CNDP2: variants seen among roughly 807,000 people sequenced by gnomAD.
CNDP2 encodes cytosolic non-specific dipeptidase.
CNDP2 carries 38 observed loss-of-function variants against 55.0 expected under a neutral mutation model. The ratio of observed to expected loss-of-function variants is 0.69; its 90% CI spans 0.53 to 0.90. The LOEUF is 0.90. Among genes scored for constraint, CNDP2 ranks in the 40% least tolerant of loss-of-function variants. The pLI, the probability that CNDP2 is intolerant of heterozygous loss-of-function variation, is 0.00. For missense variants in CNDP2, 607 were observed against 621.7 expected (o/e 0.98, Z 0.25); for synonymous variants, 241 against 260.2 (o/e 0.93, Z 0.71).
chr18:74,512,543 G>T lies in CNDP2; in HGVS notation c.742+11G>T. The stretch of plus-strand genomic sequence containing the variant: ...TCATTTTGCTGATGGGTAAGTGCGG[G>T]ATGGCATTCAGTCCGCAGTTGAGGG... On this transcript the variant is annotated intron_variant, in intron 7 of 11. Coordinates refer to ENST00000324262, the MANE Select transcript of CNDP2 (RefSeq NM_018235.3). 1.2e-6 allele frequency: 2 copies of T among 1,612,260 alleles called. No individual in the cohort carries two copies. The highest frequency in any genetic ancestry group is 1.7e-6 in the Non-Finnish European group (2 of 1,178,548).
At chr18:74,515,999 G>A (rs1008719157) in intron 8 of CNDP2, among the ~76,000 whole-genome samples, 2 of 152,232 alleles carry the variant, frequency 1.3e-5, no homozygotes, top group Non-Finnish European at 2.9e-5. Context: ...GCGACGGGCA[G>A]TGAAATGCCT....
In CNDP2 at chr18:74,519,046, T is replaced by A. The variant is rs191281589; in HGVS notation, c.1308T>A (p.Pro436=). ...EATGKNVMLL[P]VGSADDGAHS... ...CGGGCAAGAACGTCATGCTGCTGCCTGTGGGGTCAGCGGATGACGGAGCCC... is the reference window on the plus strand; with the variant it reads ...CGGGCAAGAACGTCATGCTGCTGCCAGTGGGGTCAGCGGATGACGGAGCCC... Residue 436 remains proline (P), a synonymous_variant, in exon 11 of 12, where the codon CCT becomes CCA. Coordinates refer to ENST00000324262, the MANE Select transcript of CNDP2 (RefSeq NM_018235.3). 6.2e-7 allele frequency: 1 copy of A among 1,613,870 alleles called. No homozygotes were observed. The highest frequency in any genetic ancestry group is 1.3e-5 in the African/African-American group (1 of 75,034).
intron 1 of CNDP2, among the ~76,000 whole-genome samples, chr18:74,499,081 T>C (rs1478242846): frequency 6.6e-6 from 1 of 152,216 alleles, no homozygotes; most frequent in African/African-American, 2.4e-5. Flanking sequence ...TTGTCTGGCA[T>C]GTAGACACGA....
chr18:74,518,756 G>T, intron 10 of CNDP2, 116 bp downstream of exon 10: 2 of 1,462,804 alleles, frequency 1.4e-6, no homozygotes, highest in South Asian at 1.2e-5. Flanking sequence ...TCGTGGGGGC[G>T]TGTAGTTAAG....
In CNDP2 at chr18:74,519,597, T is replaced by G. The variant is rs549724123; in HGVS notation, c.1359-402T>G. 9.2e-5 allele frequency among the ~76,000 whole-genome samples: 14 copies of G among 152,166 alleles called. No individual in the cohort carries two copies. The South Asian group carries it at 2.7e-3, about 29-fold the overall frequency. On this transcript the variant is annotated intron_variant, in intron 11 of 11. Transcript: ENST00000324262. ...GAGGAGGGCAGAAGGCAAGAATGCA[T>G]CCTGGGGTAACCAAGGCAGACGATC...
intron 2 of CNDP2, among the ~76,000 whole-genome samples, chr18:74,500,834 G>T (rs893946308): frequency 1.3e-5 from 2 of 152,208 alleles, no homozygotes; most frequent in Non-Finnish European, 2.9e-5. Flanking sequence ...TCACATGAAA[G>T]GGTCGTGATT....
chr18:74,510,287 T>C (rs1979266698), intron 5 of CNDP2, among the ~76,000 whole-genome samples: 3 of 152,210 alleles, frequency 2.0e-5, no homozygotes, highest in African/African-American at 4.8e-5. Context: ...CTTTGGCAAA[T>C]CGCCAGCTTC....
At chr18:74,512,171 C>G in intron 6 of CNDP2, 2 of 379,932 alleles carry the variant, frequency 5.3e-6, no homozygotes, top group Non-Finnish European at 9.6e-6. Flanking sequence ...CTAGCAAAGG[C>G]TTTGAGTGGT....
chr18:74,514,111 G>A (rs1599069488), intron 8 of CNDP2, among the ~76,000 whole-genome samples: 1 of 152,230 alleles, frequency 6.6e-6, no homozygotes, highest in African/African-American at 2.4e-5. Context: ...AGTGGGTCAT[G>A]ACTTTTCTCT....
In CNDP2 at chr18:74,513,760, G is replaced by T; in HGVS notation, c.903+41G>T. The T allele has an allele frequency of 1.9e-6, 3 of 1,595,692 alleles. No homozygotes were observed. The South Asian group carries it at 3.4e-5, about 18-fold the overall frequency. The stretch of plus-strand genomic sequence containing the variant: ...CGACTCTGCCACCTGCCCAGGCCAC[G>T]CTGTGACACAGGTGTCCCCCAGGCC... On this transcript the variant is annotated intron_variant, in intron 8 of 11. Transcript: ENST00000324262.
At chr18:74,500,289 G>A (rs1978619798) in intron 2 of CNDP2, among the ~76,000 whole-genome samples, 1 of 152,220 alleles carries the variant, frequency 6.6e-6, no homozygotes, top group African/African-American at 2.4e-5. Flanking sequence ...TCTTGTGATA[G>A]TTACAGATTA....
At position 74,506,040 on chromosome 18, in the gene CNDP2, G is replaced by T. The variant is rs990476291; in HGVS notation, c.367+29G>T. 9.2e-6 allele frequency: 14 copies of T among 1,526,900 alleles called. No individual in the cohort carries two copies. The Admixed American group carries it at 3.3e-4, about 36-fold the overall frequency. 94.6% of individuals were successfully genotyped at this position (1,526,900 alleles called of 1,614,324 possible). A position where few individuals can be genotyped will look rare whatever the true frequency, so the allele number is the denominator to read the frequency against. On this transcript the variant is annotated intron_variant, in intron 4 of 11. Transcript: ENST00000324262. ...AGCGCCGCGCGCCTATGCGTGCCCA[G>T]AGGAAAGGCACTGACTTTTGGAAAG...
Position 74,499,928 on chromosome 18 carries a change from C to A in CNDP2, c.-46C>A. On this transcript the variant is annotated 5_prime_UTR_variant, in exon 2 of 12. Transcript: ENST00000324262. The stretch of plus-strand genomic sequence containing the variant: ...GAGACAGGACTGACCAGTTGCTCTT[C>A]CTTCCAAGAACCTTCGAGATCTGCG... 6.3e-7 allele frequency: 1 copy of A among 1,587,150 alleles called. No homozygotes were observed. The highest frequency in any genetic ancestry group is 1.7e-4 in the Middle Eastern group (1 of 6,022).
intron 8 of CNDP2, among the ~76,000 whole-genome samples, chr18:74,514,943 C>T (rs185522369): frequency 1.4e-4 from 22 of 152,314 alleles, no homozygotes; most frequent in Middle Eastern, 3.4e-3. Context: ...CTGGGCAGTA[C>T]CAAAGGCTGT....
chr18:74,518,748 G>A lies in CNDP2; in HGVS notation c.1210+108G>A, dbSNP rs940979963. ...GCTATGTCGGGGGCGCTGCTGTATC[G>A]TGGGGGCGTGTAGTTAAGTCAGCAT... On this transcript the variant is annotated intron_variant, in intron 10 of 11. Transcript: ENST00000324262. The A allele has an allele frequency of 1.1e-4, 165 of 1,489,538 alleles. 1 individual carries two copies. The highest frequency in any genetic ancestry group is 7.2e-4 in the South Asian group (60 of 82,998). 92.3% of individuals were successfully genotyped at this position (1,489,538 alleles called of 1,614,324 possible).
intron 11 of CNDP2, 62 bp from the exon 12 acceptor site, chr18:74,519,937 C>A: frequency 6.7e-7 from 1 of 1,501,544 alleles, no homozygotes; most frequent in Non-Finnish European, 9.2e-7. Flanking sequence ...GGAGGAGTCA[C>A]CCCACACCTG....
At position 74,501,154 on chromosome 18, in the gene CNDP2, A is replaced by G. The variant is rs544574457; in HGVS notation, c.61-175A>G. On this transcript the variant is annotated intron_variant, in intron 2 of 11. Transcript: ENST00000324262. ...GTCTCTCTCTTCCCTCAGTACAAAC[A>G]GTTTTTAAAATCTTTAACCCAAAGC... The G allele has an allele frequency of 1.9e-5, 26 of 1,341,444 alleles. No individual in the cohort carries two copies. The Admixed American group carries it at 6.7e-4, about 35-fold the overall frequency. 83.1% of individuals were successfully genotyped at this position (1,341,444 alleles called of 1,614,324 possible).
rs775391432 is a variant in CNDP2, at chr18:74,513,718, A to G, written c.902A>G (p.Lys301Arg). 7 of 1,613,580 alleles carry G rather than the reference A, an allele frequency of 4.3e-6. No individual in the cohort carries two copies. Among genetic ancestry groups the G allele is most frequent in the East Asian group, 2.2e-5 (1 of 44,858 alleles). Residue 301 changes from lysine (K) to arginine (R), a missense_variant and splice_region_variant, in exon 8 of 12, where the codon AAG becomes AGG. By Grantham distance (26) the Lys-to-Arg change is conservative. Transcript: ENST00000324262. The part of the protein sequence containing the change: ...VGAQILLHSH[K>R]KDILMHRWRY... ...GCGCAGATCCTCCTGCACAGCCACA[A>G]GGTCTGGTTCAGGGCTCGACTCTGC...
intron 3 of CNDP2, 87 bp downstream of exon 3, chr18:74,501,559 T>C (rs1978702422): frequency 1.3e-6 from 2 of 1,489,546 alleles, no homozygotes; most frequent in Non-Finnish European, 1.8e-6. Context: ...TTAAAAGATC[T>C]TTTGCTTCAC....
Sources: allele counts gnomAD v4.1 joint callset (sites outside exome capture counted in the v4.1 genomes callset), GRCh38; gene constraint gnomAD v4.1.1; transcripts MANE v1.5; gene names NCBI Gene and HGNC (gene_info 2026-07-23, HGNC 2026-07-21).